The following ZFHX4 variants were observed in gnomAD, a reference collection of about 807,000 sequenced individuals.
The protein encoded by ZFHX4 is zinc finger homeobox 4.
ZFHX4 carries 56 observed loss-of-function variants against 267.6 expected under a neutral mutation model. The ratio of observed to expected loss-of-function variants is 0.21; its 90% CI spans 0.17 to 0.26. The LOEUF is 0.26. ZFHX4 is among the 10% of genes least tolerant of loss of function. The probability of loss-of-function intolerance (pLI) is 1.00; values close to 1 mark genes in which losing one functional copy is unlikely to be tolerated. For synonymous variants in ZFHX4, 1,778 were observed against 1,665.6 expected, an observed-to-expected ratio of 1.07 and a Z score of -1.64; for missense variants, 4,332 against 4,420.0, an observed-to-expected ratio of 0.98 and a Z score of 0.56.
At chr8:76,815,140 G>A (rs1001424123) in intron 4 of ZFHX4, among the ~76,000 whole-genome samples, 7 of 152,136 alleles carry the variant, frequency 4.6e-5, no homozygotes, top group African/African-American at 1.7e-4. Context: ...TTAGAATGTG[G>A]AGGAGTTACT....
intron 4 of ZFHX4, among the ~76,000 whole-genome samples, chr8:76,825,144 G>T (rs996736159): frequency 6.6e-6 from 1 of 152,158 alleles, no homozygotes; most frequent in African/African-American, 2.4e-5. Flanking sequence ...GTACCAAATT[G>T]ATATAGTCTT....
chr8:76,810,995 CCCGACGCTCTG>C (rs1357651894), intron 4 of ZFHX4, among the ~76,000 whole-genome samples: 1 of 152,114 alleles, frequency 6.6e-6, no homozygotes, highest in Non-Finnish European at 1.5e-5. Context: ...TCTGAATGAG[CCCGACGCTCTG>C]CTTAACTTTC....
Position 76,705,226 on chromosome 8 carries a change from G to A in ZFHX4, c.1138G>A (p.Ala380Thr). ...ENGDSLPAGF[A>T]FLKGSASTSS... The stretch of plus-strand genomic sequence containing the variant: ...TGGTGACTCTTTGCCGGCTGGCTTT[G>A]CCTTCTTAAAAGGAAGCGCGAGCAC... Residue 380 changes from alanine to threonine, a missense_variant, in exon 2 of 11, where the codon GCC (alanine) becomes ACC (threonine). Ala to Thr is a moderately conservative substitution (Grantham distance 58). Transcript: ENST00000651372. 6.2e-7 allele frequency: 1 copy of A among 1,613,986 alleles called. No individual in the cohort carries two copies. Among genetic ancestry groups the A allele is most frequent in the Non-Finnish European group, 8.5e-7 (1 of 1,179,904 alleles).
rs1808317382 is a variant in ZFHX4 at position 76,707,764 on chromosome 8, G to C, written c.2809G>C (p.Ala937Pro). ...CTCTCTCCCTGAAGAGGAATGGAGG[G>C]CAGTAATTGGAGATATCTACCAGTG... Reference protein sequence around the residue: ...ERSLPEEEWRAVIGDIYQCKL... With the variant: ...ERSLPEEEWRPVIGDIYQCKL... The change falls in exon 3 of 11, where the codon GCA becomes CCA. Residue 937 changes from alanine to proline, a missense_variant. Transcript: ENST00000651372. The C allele has an allele frequency of 6.2e-7, 1 of 1,613,904 alleles. No individual in the cohort carries two copies. Among genetic ancestry groups the C allele is most frequent in the South Asian group, 1.1e-5 (1 of 91,060 alleles).
intron 3 of ZFHX4, among the ~76,000 whole-genome samples, chr8:76,765,791 A>ACAACCC (rs1810036220): frequency 6.6e-6 from 1 of 152,108 alleles, no homozygotes; most frequent in Non-Finnish European, 1.5e-5. Context: ...AACCTTCAAA[A>ACAACCC]CAACCCCATG....
intron 3 of ZFHX4, among the ~76,000 whole-genome samples, chr8:76,716,298 GACTT>G (rs1048826326): frequency 2.0e-5 from 3 of 152,008 alleles, no homozygotes; most frequent in African/African-American, 7.2e-5. Flanking sequence ...ATTGACAATT[GACTT>G]ACTTATTTAT....
chr8:76,771,727 C>T (rs1810268830), intron 3 of ZFHX4, among the ~76,000 whole-genome samples: 1 of 152,098 alleles, frequency 6.6e-6, no homozygotes, highest in African/African-American at 2.4e-5. Flanking sequence ...AAACAGATTG[C>T]TTTTCAAGAC....
At chr8:76,856,364 A>T in intron 10 of ZFHX4, 64 bp downstream of exon 10, 1 of 1,572,758 alleles carries the variant, frequency 6.4e-7, no homozygotes, top group Non-Finnish European at 8.7e-7. Context: ...AGTCACATGT[A>T]ACCAAGAACG....
Position 76,707,941 on chromosome 8 carries a change from C to A in ZFHX4, c.2986C>A (p.Pro996Thr). Residue 996 changes from proline (P) to threonine (T), a missense_variant, in exon 3 of 11, where the codon CCT becomes ACT. By Grantham distance (38) the Pro-to-Thr change is conservative. Around this residue, in one of 7 missense-constraint regions of ZFHX4, gnomAD observed 1,371 missense variants for 1,423.1 expected, o/e 0.96. Transcript: ENST00000651372. Reference protein sequence around the residue: ...WRLKCIAIGNPVHLKCNACDY... With the variant: ...WRLKCIAIGNTVHLKCNACDY... Reference sequence around the variant, plus strand: ...GTTGAAGTGTATTGCCATTGGCAACCCTGTTCACCTAAAATGTAACGCCTG... The same window carrying A: ...GTTGAAGTGTATTGCCATTGGCAACACTGTTCACCTAAAATGTAACGCCTG... The A allele has an allele frequency of 6.2e-7, 1 of 1,613,922 alleles. No homozygotes were observed. Among genetic ancestry groups the A allele is most frequent in the Non-Finnish European group, 8.5e-7 (1 of 1,179,900 alleles).
Position 76,855,638 on chromosome 8 carries a change from A to G in ZFHX4, c.8717A>G (p.Asp2906Gly). The change falls in exon 10 of 11, where the codon GAC (aspartate) becomes GGC (glycine). Residue 2906 changes from aspartate (D) to glycine (G), a missense_variant. Around this residue, in one of 7 missense-constraint regions of ZFHX4, gnomAD observed 1,648 missense variants for 1,625.0 expected, o/e 1.01. Coordinates refer to ENST00000651372, the MANE Select transcript of ZFHX4 (RefSeq NM_024721.5). The stretch of plus-strand genomic sequence containing the variant: ...CGCAGCGAAACGTCCAGCATAGCGG[A>G]CCCGAGCTCCCCAAATCCATTCGGA... ...ADRSETSSIA[D>G]PSSPNPFGSS... 1.2e-6 allele frequency: 2 copies of G among 1,613,832 alleles called. No individual in the cohort carries two copies. The highest frequency in any genetic ancestry group is 1.7e-6 in the Non-Finnish European group (2 of 1,179,848).
chr8:76,848,602 A>G (rs916721087), intron 6 of ZFHX4, among the ~76,000 whole-genome samples: 6 of 152,218 alleles, frequency 3.9e-5, no homozygotes, highest in Non-Finnish European at 8.8e-5. Flanking sequence ...TTTAAGTGTC[A>G]AAGAATTTTA....
At chr8:76,723,456 G>T (rs1024246720) in intron 3 of ZFHX4, among the ~76,000 whole-genome samples, 1 of 151,678 alleles carries the variant, frequency 6.6e-6, no homozygotes, top group African/African-American at 2.4e-5. Context: ...CCATTGTTTT[G>T]CTTAATCCAT....
At chr8:76,736,800 G>A (rs767815287) in intron 3 of ZFHX4, among the ~76,000 whole-genome samples, 10 of 152,092 alleles carry the variant, frequency 6.6e-5, no homozygotes, top group Admixed American at 5.2e-4. Flanking sequence ...ATTTCAAATC[G>A]TAAGTTGTCT....
intron 4 of ZFHX4, among the ~76,000 whole-genome samples, chr8:76,805,843 G>C (rs1293776933): frequency 2.0e-5 from 3 of 151,746 alleles, no homozygotes; most frequent in Non-Finnish European, 4.4e-5. Flanking sequence ...TACGGTGTAA[G>C]TACGCCTTTA....
intron 3 of ZFHX4, among the ~76,000 whole-genome samples, chr8:76,721,922 A>G (rs1225409076): frequency 1.3e-5 from 2 of 152,106 alleles, no homozygotes; most frequent in Non-Finnish European, 2.9e-5. Flanking sequence ...ATTTCCTGGT[A>G]CTTTTCTTGC....
rs530770951 is a variant in ZFHX4 at position 76,737,307 on chromosome 8, C to A, written c.3093+29259C>A. Among the ~76,000 whole-genome samples the A allele has an allele frequency of 2.0e-5, 3 of 152,224 alleles. No homozygotes were observed. In the South Asian group the frequency reaches 6.2e-4, roughly 32 times the overall value. ...TCGACTTTAAGAAAATATCAGAGGG[C>A]ATTTAAAAAGCTTGTGCATTTGTCT... On this transcript the variant is annotated intron_variant, in intron 3 of 10. Coordinates refer to ENST00000651372, the MANE Select transcript of ZFHX4 (RefSeq NM_024721.5).
chr8:76,798,736 C>G (rs997488188), intron 4 of ZFHX4, among the ~76,000 whole-genome samples: 1 of 152,164 alleles, frequency 6.6e-6, no homozygotes, highest in African/African-American at 2.4e-5. Context: ...GTACAGGAAG[C>G]ATTATTGCTA....
chr8:76,812,608 T>C (rs1303225014), intron 4 of ZFHX4, among the ~76,000 whole-genome samples: 1 of 152,212 alleles, frequency 6.6e-6, no homozygotes, highest in Non-Finnish European at 1.5e-5. Flanking sequence ...ATATTTTTAC[T>C]TTTTATCCAT....
intron 5 of ZFHX4, among the ~76,000 whole-genome samples, chr8:76,837,305 G>C (rs886766726): frequency 1.3e-5 from 2 of 152,192 alleles, no homozygotes; most frequent in East Asian, 3.9e-4. Context: ...AGAGAGGCAC[G>C]ATTTTCCAGA....
Sources: gnomAD v4.1 joint callset for allele counts (sites outside exome capture counted in the v4.1 genomes callset) on GRCh38, gnomAD v4.1.1 for gene constraint, gnomAD v4.1.1 regional missense constraint, MANE v1.5 for transcripts, NCBI Gene and HGNC (gene_info 2026-07-23, HGNC 2026-07-21) for gene names.